Variants in EXOSC10 observed in about 807,000 individuals in gnomAD.
EXOSC10 encodes the protein exosome component 10.
A neutral mutation model predicts 126.6 loss-of-function variants in EXOSC10; 94 were observed. The ratio of observed to expected loss-of-function variants is 0.74; its 90% CI spans 0.63 to 0.88. The LOEUF is 0.88. Among genes scored for constraint, EXOSC10 ranks in the 40% least tolerant of loss-of-function variants. The pLI is 0.00. For synonymous variants in EXOSC10, 395 were observed against 400.8 expected, an observed-to-expected ratio of 0.99 and a Z score of 0.17; for missense variants, 1,041 against 1,100.5, an observed-to-expected ratio of 0.95 and a Z score of 0.77.
chr1:11,081,447 G>A (rs973386606), intron 10 of EXOSC10, among the ~76,000 whole-genome samples: 11 of 152,296 alleles, frequency 7.2e-5, no homozygotes, highest in African/African-American at 1.2e-4. Flanking sequence ...AGGGTAATGC[G>A]GTGGTTAAAA....
chr1:11,077,731 A>C (rs1557701068), intron 14 of EXOSC10, 80 bp from the exon 15 acceptor site: 7 of 1,215,316 alleles, frequency 5.8e-6, no homozygotes. Flanking sequence ...CGCTGACTGT[A>C]TTCCTTCACC....
chr1:11,083,973 C>T (rs1640343541), intron 9 of EXOSC10, among the ~76,000 whole-genome samples: 2 of 152,154 alleles, frequency 1.3e-5, no homozygotes, highest in East Asian at 1.9e-4. Flanking sequence ...TTTTTTATGG[C>T]TGCGTAGTAT....
rs1194754 is a variant in EXOSC10 at position 11,080,563 on chromosome 1, A to C, written c.1587-14T>G. 22,803 of 1,410,096 alleles carry C rather than the reference A, an allele frequency of 0.016. 218 individuals carry two copies. Among genetic ancestry groups the C allele is most frequent in the African/African-American group, 0.054 (3,198 of 59,630 alleles). 87.3% of individuals were successfully genotyped at this position (1,410,096 alleles called of 1,614,324 possible). ...GGCAGTACATATCTGGAAAAAAAAAAACACACACACACACACACACACACA... is the reference window on the plus strand; with the variant it reads ...GGCAGTACATATCTGGAAAAAAAAACACACACACACACACACACACACACA... On this transcript the variant is annotated splice_polypyrimidine_tract_variant and intron_variant, in intron 12 of 24. Coordinates refer to ENST00000376936, the MANE Select transcript of EXOSC10 (RefSeq NM_001001998.3).
In EXOSC10 at chr1:11,079,713, T is replaced by C. The variant is rs1299467016; in HGVS notation, c.1747A>G (p.Lys583Glu). The C allele has an allele frequency of 6.2e-7, 1 of 1,612,614 alleles. No homozygotes were observed. Among genetic ancestry groups the C allele is most frequent in the Non-Finnish European group, 8.5e-7 (1 of 1,179,296 alleles). The change falls in exon 14 of 25, where the codon AAG becomes GAG. Residue 583 changes from lysine to glutamate, a missense_variant and splice_region_variant. Lys to Glu is a moderately conservative substitution (Grantham distance 56). Around this residue, in one of 3 missense-constraint regions of EXOSC10, gnomAD observed 388 missense variants for 415.2 expected, o/e 0.93. Coordinates refer to ENST00000376936, the MANE Select transcript of EXOSC10 (RefSeq NM_001001998.3). Reference sequence around the variant, plus strand: ...CCAGCCGCAGAAAAGCTTCTTACCTTGAGCAGGGGCATCTCTCGGGCCTGC... The same window carrying C: ...CCAGCCGCAGAAAAGCTTCTTACCTCGAGCAGGGGCATCTCTCGGGCCTGC... ...IQQAREMPLL[K>E]SEVAAGVKKS...
At chr1:11,069,878 G>C in intron 21 of EXOSC10, 148 bp from the exon 22 acceptor site, 2 of 817,764 alleles carry the variant, frequency 2.4e-6, no homozygotes, top group South Asian at 1.7e-5. Context: ...CTGGAACTTC[G>C]GGACCAACAC....
At chr1:11,081,359 A>G in intron 10 of EXOSC10, 121 bp from the exon 11 acceptor site, 1 of 1,047,826 alleles carries the variant, frequency 9.5e-7, no homozygotes, top group South Asian at 1.6e-5. Context: ...TTTCATAGTC[A>G]ATACTGCAGT....
chr1:11,085,763 T>C (rs1479877878), intron 9 of EXOSC10, among the ~76,000 whole-genome samples: 2 of 151,082 alleles, frequency 1.3e-5, no homozygotes, highest in African/African-American at 4.8e-5. Context: ...GGGTTTGTCA[T>C]AGATAGCTCT....
At chr1:11,069,483 T>C (rs1032773055) in intron 22 of EXOSC10, 76 bp downstream of exon 22, 1 of 1,492,826 alleles carries the variant, frequency 6.7e-7, no homozygotes, top group Non-Finnish European at 9.1e-7. Context: ...TTGGCCCCTA[T>C]ATTGTGGTCT....
chr1:11,087,632 A>T, intron 8 of EXOSC10, 41 bp from the exon 9 acceptor site: 3 of 1,608,952 alleles, frequency 1.9e-6, no homozygotes, highest in Non-Finnish European at 2.5e-6. Context: ...AAAAACAAAG[A>T]TTATATTAGA....
Position 11,098,176 on chromosome 1 carries a change from A to T in EXOSC10, c.112-20T>A. The T allele has an allele frequency of 1.9e-6, 3 of 1,589,910 alleles. No homozygotes were observed. Among genetic ancestry groups the T allele is most frequent in the African/African-American group, 1.4e-5 (1 of 73,424 alleles). On this transcript the variant is annotated intron_variant, in intron 1 of 24. Coordinates refer to ENST00000376936, the MANE Select transcript of EXOSC10 (RefSeq NM_001001998.3). Reference sequence around the variant, plus strand: ...AGCAAACTGTCAAAAACAAGAAAAGATGGCATGTTTACACAGGGATCCCCA... The same window carrying T: ...AGCAAACTGTCAAAAACAAGAAAAGTTGGCATGTTTACACAGGGATCCCCA...
intron 9 of EXOSC10, among the ~76,000 whole-genome samples, chr1:11,086,310 G>A (rs894969081): frequency 2.2e-4 from 34 of 152,160 alleles, no homozygotes; most frequent in African/African-American, 7.5e-4. Context: ...CCTGTTATTG[G>A]TCTATTCAGA....
At position 11,070,880 on chromosome 1, in the gene EXOSC10, G is replaced by A; in HGVS notation, c.2316+20C>T. On this transcript the variant is annotated intron_variant, in intron 21 of 24. Transcript: ENST00000376936. ...GGGGCATCGTTTTTCAAAGGAAAAA[G>A]GAGAAAAGCTGGCACATACCACGAC... 1.2e-6 allele frequency: 2 copies of A among 1,609,242 alleles called. No homozygotes were observed. The highest frequency in any genetic ancestry group is 2.2e-5 in the East Asian group (1 of 44,840).
intron 21 of EXOSC10, chr1:11,070,562 G>T: frequency 5.3e-6 from 1 of 190,472 alleles, no homozygotes; most frequent in Non-Finnish European, 1.1e-5. Context: ...GAGTGCTCTG[G>T]GGTTTCATTC....
intron 9 of EXOSC10, among the ~76,000 whole-genome samples, chr1:11,083,855 C>A (rs1254159545): frequency 2.0e-5 from 3 of 151,852 alleles, no homozygotes; most frequent in Non-Finnish European, 4.4e-5. Context: ...TCAATTCCCA[C>A]CTATGAGTGA....
chr1:11,093,507 G>A (rs1046109056), intron 3 of EXOSC10, among the ~76,000 whole-genome samples: 2 of 152,164 alleles, frequency 1.3e-5, no homozygotes, highest in African/African-American at 4.8e-5. Flanking sequence ...ATGACTTCAT[G>A]GGACAGGAGG....
At chr1:11,074,413 A>ACT in intron 17 of EXOSC10, 87 bp from the exon 18 acceptor site, 1 of 661,788 alleles carries the variant, frequency 1.5e-6, no homozygotes, top group South Asian at 2.1e-5. Flanking sequence ...GTTAACAGTG[A>ACT]TTTTTTTTTT....
At chr1:11,085,045 T>G (rs1640415437) in intron 9 of EXOSC10, among the ~76,000 whole-genome samples, 1 of 152,186 alleles carries the variant, frequency 6.6e-6, no homozygotes. Flanking sequence ...GTAGTATAGT[T>G]TGAAGTCAGG....
chr1:11,077,537 T>C, intron 15 of EXOSC10, 64 bp downstream of exon 15: 1 of 1,606,374 alleles, frequency 6.2e-7, no homozygotes, highest in South Asian at 1.1e-5. Context: ...GTCAGAGGTG[T>C]ACTTGCACTG....
chr1:11,099,147 C>A (rs186821575), intron 1 of EXOSC10, among the ~76,000 whole-genome samples: 89 of 152,304 alleles, frequency 5.8e-4, no homozygotes, highest in Non-Finnish European at 2.6e-4. Context: ...ACACCTTAAG[C>A]CTAGTTGTAC....
Sources: allele counts gnomAD v4.1 joint callset (sites outside exome capture counted in the v4.1 genomes callset), GRCh38; gene constraint gnomAD v4.1.1; regional missense constraint gnomAD v4.1.1; transcripts MANE v1.5; gene names NCBI Gene and HGNC (gene_info 2026-07-23, HGNC 2026-07-21).